Variants in ZNF831 observed in about 807,000 individuals in gnomAD.
The protein encoded by ZNF831 is zinc finger protein 831.
ZNF831 carries 59 observed loss-of-function variants against 95.8 expected under a neutral mutation model. That is an observed-to-expected ratio of 0.62 (90% CI 0.50 to 0.77). The LOEUF (loss-of-function observed/expected upper bound fraction) is 0.77, where lower values mean the gene tolerates loss of function less well. Among genes scored for constraint, ZNF831 ranks in the 30% least tolerant of loss-of-function variants. The pLI is 0.00. For synonymous variants in ZNF831, 961 were observed against 925.5 expected, an observed-to-expected ratio of 1.04 and a Z score of -0.70; for missense variants, 2,205 against 2,164.0, an observed-to-expected ratio of 1.02 and a Z score of -0.38.
At chr20:59,125,100 TTA>T (rs1979130199) in intron 1 of ZNF831, among the ~76,000 whole-genome samples, 1 of 152,148 alleles carries the variant, frequency 6.6e-6, no homozygotes, top group Non-Finnish European at 1.5e-5. Context: ...CTGGACGTTA[TTA>T]GGACTAGATG....
chr20:59,201,714 T>C (rs1478905802), intron 3 of ZNF831, among the ~76,000 whole-genome samples: 1 of 152,216 alleles, frequency 6.6e-6, no homozygotes, highest in Non-Finnish European at 1.5e-5. Context: ...TCCAGCATCA[T>C]TTGTTGATCT....
At chr20:59,218,797 GT>G (rs1193253231) in intron 4 of ZNF831, among the ~76,000 whole-genome samples, 1 of 152,042 alleles carries the variant, frequency 6.6e-6, no homozygotes, top group African/African-American at 2.4e-5. Context: ...CAGATCACCT[GT>G]GGTCACGAGT....
chr20:59,175,354 G>A (rs1250663593), intron 1 of ZNF831, among the ~76,000 whole-genome samples: 1 of 151,946 alleles, frequency 6.6e-6, no homozygotes, highest in African/African-American at 2.4e-5. Flanking sequence ...CTCCTTCCCA[G>A]GCTCTGATGA....
chr20:59,192,734 G>T lies in ZNF831; in HGVS notation c.1715G>T (p.Gly572Val), dbSNP rs377099862. 6 of 1,609,846 alleles carry T rather than the reference G, an allele frequency of 3.7e-6. No individual in the cohort carries two copies. Among genetic ancestry groups the T allele is most frequent in the Non-Finnish European group, 5.1e-6 (6 of 1,178,776 alleles). The stretch of plus-strand genomic sequence containing the variant: ...CAGGCCGCGGTGGAGGACCTGCCAG[G>T]CACCCCCATTGGCGATGCCCTGGTG... ...VRQAAVEDLP[G>V]TPIGDALVPA... Residue 572 changes from glycine (G) to valine (V), a missense_variant, in exon 2 of 6, where the codon GGC becomes GTC. Physicochemically the swap from Gly to Val is moderately radical, Grantham distance 109 (BLOSUM62 -3). Coordinates refer to ENST00000371030, the MANE Select transcript of ZNF831 (RefSeq NM_178457.3). The surrounding 1 kb of genome is among the most constrained non-coding windows in gnomAD (Gnocchi z 5.2).
chr20:59,207,463 G>C (rs1568769595), intron 4 of ZNF831, among the ~76,000 whole-genome samples: 1 of 152,170 alleles, frequency 6.6e-6, no homozygotes, highest in Non-Finnish European at 1.5e-5. Context: ...CTGTGGATGG[G>C]CTTAAGAGCC....
At chr20:59,129,844 G>T (rs1429826505) in intron 1 of ZNF831, among the ~76,000 whole-genome samples, 2 of 152,222 alleles carry the variant, frequency 1.3e-5, no homozygotes, top group African/African-American at 4.8e-5. Flanking sequence ...TGAGATTCCT[G>T]TATGTTATTG....
chr20:59,176,619 T>A (rs1431142165), intron 1 of ZNF831, among the ~76,000 whole-genome samples: 1 of 152,218 alleles, frequency 6.6e-6, no homozygotes, highest in Non-Finnish European at 1.5e-5. Flanking sequence ...AACACGCATG[T>A]GTATTTCGCT....
chr20:59,254,266 T>C lies in ZNF831; in HGVS notation c.4557T>C (p.Thr1519=). Residue 1519 remains threonine (T), a synonymous_variant, in exon 6 of 6, where the codon ACT becomes ACC. Coordinates refer to ENST00000371030, the MANE Select transcript of ZNF831 (RefSeq NM_178457.3). This position sits in a 1 kb window ranked among gnomAD's most constrained non-coding sequence, Gnocchi z 4.5. ...HSAESRDHSQ[T]AGRTLTSSSP... ...CTGAATCACGAGACCACAGCCAGAC[T>C]GCAGGGAGGACTCTGACATCAAGCT... 1 of 1,614,024 alleles carries C rather than the reference T, an allele frequency of 6.2e-7. No homozygotes were observed. Among genetic ancestry groups the C allele is most frequent in the Non-Finnish European group, 8.5e-7 (1 of 1,179,942 alleles).
intron 2 of ZNF831, among the ~76,000 whole-genome samples, chr20:59,154,610 G>C (rs936992479): frequency 2.0e-5 from 3 of 152,114 alleles, no homozygotes; most frequent in African/African-American, 7.2e-5. Flanking sequence ...ATGCCACTTG[G>C]AACAAAACTT....
intron 1 of ZNF831, among the ~76,000 whole-genome samples, chr20:59,144,426 G>T (rs58482069): frequency 0.011 from 1,623 of 152,246 alleles, 35 homozygotes; most frequent in African/African-American, 0.038. Flanking sequence ...GCATTGTAGG[G>T]TGCTTAGCAG....
chr20:59,181,159 C>A (rs1006499015), intron 1 of ZNF831, among the ~76,000 whole-genome samples: 2 of 152,060 alleles, frequency 1.3e-5, no homozygotes, highest in Non-Finnish European at 2.9e-5. Context: ...GTTTGTTGGC[C>A]GCATAAATTG....
intron 1 of ZNF831, among the ~76,000 whole-genome samples, chr20:59,126,062 C>T (rs937438752): frequency 2.6e-5 from 4 of 152,270 alleles, no homozygotes; most frequent in Non-Finnish European, 4.4e-5. Flanking sequence ...CAAACGTCCC[C>T]GGCTGGCAGA....
rs754462619 is a variant in ZNF831, at chr20:59,193,067, A to T, written c.2048A>T (p.Asp683Val). The change falls in exon 2 of 6, where the codon GAC (aspartate) becomes GTC (valine). Residue 683 changes from aspartate (D) to valine (V), a missense_variant. Physicochemically the swap from Asp to Val is radical, Grantham distance 152. Coordinates refer to ENST00000371030, the MANE Select transcript of ZNF831 (RefSeq NM_178457.3). ...GACAGGAGGACCCCTGTCCATGAGG[A>T]CATATCCGCAGGGGCAACGCCAGAG... ...TQDRRTPVHE[D>V]ISAGATPEPW... The T allele has an allele frequency of 6.3e-7, 1 of 1,589,324 alleles. No individual in the cohort carries two copies. The highest frequency in any genetic ancestry group is 1.3e-5 in the African/African-American group (1 of 74,394).
At chr20:59,229,103 C>A (rs1986589448) in intron 4 of ZNF831, among the ~76,000 whole-genome samples, 1 of 152,182 alleles carries the variant, frequency 6.6e-6, no homozygotes, top group Non-Finnish European at 1.5e-5. Flanking sequence ...TAATGACCTC[C>A]AGTTCTATCC....
At chr20:59,129,600 G>T (rs116973272) in intron 1 of ZNF831, among the ~76,000 whole-genome samples, 2,302 of 152,284 alleles carry the variant, frequency 0.015, 26 homozygotes, top group Non-Finnish European at 0.021. Context: ...TCCAGCCTGG[G>T]TGACAGAGTG....
Position 59,194,281 on chromosome 20 carries a change from AG to A in ZNF831, c.3264del (p.Arg1088SerfsTer7). 6.2e-7 allele frequency: 1 copy of A among 1,614,016 alleles called. No individual in the cohort carries two copies. Among genetic ancestry groups the A allele is most frequent in the South Asian group, 1.1e-5 (1 of 91,088 alleles). ...CATGGGCAGCACTTTGGCAAGGGCC[AG>A]GCTCTCTGGGGATGTCCTGAATCCC... ...LCMGSTLARA[R>X]LSGDVLNPWV... On this transcript the variant is annotated frameshift_variant, in exon 2 of 6. Coordinates refer to ENST00000371030, the MANE Select transcript of ZNF831 (RefSeq NM_178457.3). LOFTEE classifies it high-confidence loss of function.
chr20:59,135,653 C>T (rs1473037259), intron 1 of ZNF831, among the ~76,000 whole-genome samples: 1 of 152,120 alleles, frequency 6.6e-6, no homozygotes, highest in Non-Finnish European at 1.5e-5. Flanking sequence ...ATGGTGTGAA[C>T]CCGGGGGGCG....
intron 1 of ZNF831, among the ~76,000 whole-genome samples, chr20:59,126,428 T>C (rs1979172691): frequency 6.6e-6 from 1 of 152,192 alleles, no homozygotes; most frequent in Non-Finnish European, 1.5e-5. Flanking sequence ...TTGTGGGAAA[T>C]GCAGACTCTG....
chr20:59,184,409 C>G (rs865896393), intron 1 of ZNF831, among the ~76,000 whole-genome samples: 3 of 152,150 alleles, frequency 2.0e-5, no homozygotes, highest in African/African-American at 7.2e-5. Flanking sequence ...CTCCCTCCCC[C>G]CTTTTTTTTT....
Sources: gnomAD v4.1 joint callset for allele counts (sites outside exome capture counted in the v4.1 genomes callset) on GRCh38, gnomAD v4.1.1 for gene constraint, Gnocchi (gnomAD v3.1) non-coding constraint, MANE v1.5 for transcripts, NCBI Gene and HGNC (gene_info 2026-07-23, HGNC 2026-07-21) for gene names.